The following PRR3 variants were observed in gnomAD, a reference collection of about 807,000 sequenced individuals.
PRR3 encodes the protein proline rich 3.
In PRR3, 16 loss-of-function variants were observed where a neutral mutation model predicts 22.4. The ratio of observed to expected loss-of-function variants is 0.71; its 90% CI spans 0.48 to 1.09. The LOEUF is 1.09. Among genes scored for constraint, PRR3 ranks in the 50% least tolerant of loss-of-function variants. The pLI is 0.00. For missense variants in PRR3, 224 were observed against 243.4 expected (o/e 0.92, Z 0.53); for synonymous variants, 87 against 88.6 (o/e 0.98, Z 0.10).
intron 1 of PRR3, 137 bp downstream of exon 1, chr6:30,557,587 C>T: frequency 7.8e-6 from 5 of 638,586 alleles, no homozygotes; most frequent in Admixed American, 5.6e-5. Context: ...GGAAGTGGGG[C>T]TCTCCCAAAT....
chr6:30,558,471 A>G (rs1800406781), intron 2 of PRR3: 2 of 499,042 alleles, frequency 4.0e-6, no homozygotes, highest in Non-Finnish European at 7.2e-6. Context: ...TTATAGGGAA[A>G]TGCAAAATAT....
At position 30,562,324 on chromosome 6, in the gene PRR3, G is replaced by A. The variant is rs1044957201; in HGVS notation, c.461-65G>A. Reference sequence around the variant, plus strand: ...AAATCAGTTCTCCTTCTGTCTCTGCGTTTCATTGTATTTGTTTTCTTTGTT... The same window carrying A: ...AAATCAGTTCTCCTTCTGTCTCTGCATTTCATTGTATTTGTTTTCTTTGTT... On this transcript the variant is annotated intron_variant, in intron 3 of 3. Coordinates refer to ENST00000376560, the MANE Select transcript of PRR3 (RefSeq NM_025263.4). The A allele has an allele frequency of 1.5e-5, 20 of 1,312,412 alleles. 2 individuals carry two copies. Among genetic ancestry groups the A allele is most frequent in the South Asian group, 1.1e-4 (9 of 82,248 alleles). The allele number at this position is 1,312,412 out of a possible 1,614,324, so 81.3% of individuals were successfully genotyped here.
Position 30,563,647 on chromosome 6 carries a change from G to T in PRR3, c.*1152G>T, listed in dbSNP as rs1800792783. 1 of 150,532 alleles carries T rather than the reference G, an allele frequency of 6.6e-6. No individual in the cohort carries two copies. Among genetic ancestry groups the T allele is most frequent in the South Asian group, 2.1e-4 (1 of 4,724 alleles). 9.3% of individuals were successfully genotyped at this position (150,532 alleles called of 1,614,324 possible). A position where few individuals can be genotyped will look rare whatever the true frequency, so the allele number is the denominator to read the frequency against. On this transcript the variant is annotated 3_prime_UTR_variant, in exon 4 of 4. Transcript: ENST00000376560. ...TGAGAGCTGTTGGAGAACTGAGAAT[G>T]AGGTTTTTTTTTTTTTTTTCTTTTT...
Position 30,561,186 on chromosome 6 carries a change from G to C in PRR3, c.170-648G>C, listed in dbSNP as rs1800603343. ...TTGGTATAACCACTGTGAAAAAAAA[G>C]TTTGGCATTATGTATGAAACTTGAG... On this transcript the variant is annotated intron_variant, in intron 2 of 3. Transcript: ENST00000376560. The surrounding 1 kb of genome is among the most constrained non-coding windows in gnomAD (Gnocchi z 4.0). 3.1e-6 allele frequency: 1 copy of C among 322,086 alleles called. No individual in the cohort carries two copies. Among genetic ancestry groups the C allele is most frequent in the South Asian group, 2.4e-5 (1 of 41,170 alleles). The allele number at this position is 322,086 out of a possible 1,614,324, so 20.0% of individuals were successfully genotyped here. A position where few individuals can be genotyped will look rare whatever the true frequency, so the allele number is the denominator to read the frequency against.
At chr6:30,557,108 T>C (rs558359061), upstream of PRR3, 73 of 702,478 alleles carry the variant, frequency 1.0e-4, no homozygotes, top group African/African-American at 5.8e-4. Flanking sequence ...TTTCAAAGCA[T>C]TTATAGAAAC....
intron 2 of PRR3, chr6:30,560,961 C>T (rs1800592044): frequency 5.8e-6 from 1 of 171,650 alleles, no homozygotes; most frequent in African/African-American, 2.4e-5. Context: ...TTTAGGAGAC[C>T]AAGGTGGGAG....
At position 30,558,184 on chromosome 6, in the gene PRR3, C is replaced by CA. The variant is rs1252418930; in HGVS notation, c.143dup (p.Asn48LysfsTer8). On this transcript the variant is annotated frameshift_variant, in exon 2 of 4. Coordinates refer to ENST00000376560, the MANE Select transcript of PRR3 (RefSeq NM_025263.4). LOFTEE classifies it high-confidence loss of function. ...GCCTTCTGGGCCCTCCCCCCATGGCCAATGGAAAACCTGGCGACCCTAAGT... is the reference window on the plus strand; with the variant it reads ...GCCTTCTGGGCCCTCCCCCCATGGCCAAATGGAAAACCTGGCGACCCTAAGT... The CA allele has an allele frequency of 6.2e-7, 1 of 1,613,034 alleles. No homozygotes were observed. Among genetic ancestry groups the CA allele is most frequent in the African/African-American group, 1.3e-5 (1 of 75,044 alleles).
chr6:30,561,541 G>A lies in PRR3; in HGVS notation c.170-293G>A, dbSNP rs1800629207. 1 of 600,706 alleles carries A rather than the reference G, an allele frequency of 1.7e-6. No individual in the cohort carries two copies. The highest frequency in any genetic ancestry group is 1.8e-5 in the African/African-American group (1 of 54,482). 37.2% of individuals were successfully genotyped at this position (600,706 alleles called of 1,614,324 possible). ...TCCATTTTTGTGAAGTTCAAAAACA[G>A]GCAAAAACTAACCTATGGTGTCAGG... is the stretch of plus-strand genomic sequence containing the variant. On this transcript the variant is annotated intron_variant, in intron 2 of 3. Coordinates refer to ENST00000376560, the MANE Select transcript of PRR3 (RefSeq NM_025263.4). The surrounding 1 kb of genome is among the most constrained non-coding windows in gnomAD (Gnocchi z 4.0).
chr6:30,558,279 C>T, intron 2 of PRR3, 67 bp downstream of exon 2: 1 of 1,298,998 alleles, frequency 7.7e-7, no homozygotes, highest in South Asian at 1.2e-5. Flanking sequence ...GGGGATAAAA[C>T]CCAGGAAGGA....
chr6:30,558,088 A>G (rs1040251707), intron 1 of PRR3, 62 bp from the exon 2 acceptor site: 1 of 1,387,714 alleles, frequency 7.2e-7, no homozygotes, highest in Non-Finnish European at 1.0e-6. Flanking sequence ...AAAAACACCT[A>G]AGAACAGAAT....
rs1800315315 is a variant in PRR3 at position 30,557,366 on chromosome 6, A to G, written c.22A>G (p.Asn8Asp). MPKRKKQ[N>D]HHQPPTQQQP... ...CACGATGCCGAAACGAAAGAAGCAG[A>G]ATCATCACCAGCCACCGACACAGCA... The change falls in exon 1 of 4, where the codon AAT becomes GAT. Residue 8 changes from asparagine (N) to aspartate (D), a missense_variant. Asn to Asp is a conservative substitution (Grantham distance 23, BLOSUM62 1). Coordinates refer to ENST00000376560, the MANE Select transcript of PRR3 (RefSeq NM_025263.4). The G allele has an allele frequency of 1.2e-6, 2 of 1,612,566 alleles. No homozygotes were observed. Among genetic ancestry groups the G allele is most frequent in the Admixed American group, 3.3e-5 (2 of 59,954 alleles).
rs62408661 is a variant in PRR3 at position 30,561,233 on chromosome 6, C to T, written c.170-601C>T. ...TGAGCATAACATATACTTTATAAGC[C>T]AGTAATACCTCTACTACGTATATAT... On this transcript the variant is annotated intron_variant, in intron 2 of 3. Transcript: ENST00000376560. This position sits in a 1 kb window ranked among gnomAD's most constrained non-coding sequence, Gnocchi z 4.0. The T allele has an allele frequency of 2.6e-6, 1 of 378,988 alleles. No individual in the cohort carries two copies. Among genetic ancestry groups the T allele is most frequent in the Non-Finnish European group, 5.2e-6 (1 of 193,500 alleles). The allele number at this position is 378,988 out of a possible 1,614,324, so 23.5% of individuals were successfully genotyped here.
Position 30,561,792 on chromosome 6 carries a change from C to T in PRR3, c.170-42C>T. The T allele has an allele frequency of 1.4e-6, 2 of 1,479,364 alleles. No homozygotes were observed. Among genetic ancestry groups the T allele is most frequent in the Non-Finnish European group, 1.8e-6 (2 of 1,113,126 alleles). The allele number at this position is 1,479,364 out of a possible 1,614,324, so 91.6% of individuals were successfully genotyped here. ...CACGGTTTATCAGGATTCAGCTGCC[C>T]ATTAGACACCTTTCTGTGTCTCTCT... is the stretch of plus-strand genomic sequence containing the variant. On this transcript the variant is annotated intron_variant, in intron 2 of 3. Transcript: ENST00000376560. This position sits in a 1 kb window ranked among gnomAD's most constrained non-coding sequence, Gnocchi z 4.0.
Position 30,561,870 on chromosome 6 carries a change from T to G in PRR3, c.206T>G (p.Leu69Arg), listed in dbSNP as rs548553716. ...GGTCCTCCAGGATCAAGGGGACCAC[T>G]GATTCCACCACTGCTGAGTCTCCCA... ...HRGPPGSRGP[L>R]IPPLLSLPPP... is the part of the protein sequence containing the mutation. Residue 69 changes from leucine (L) to arginine (R), a missense_variant, in exon 3 of 4, where the codon CTG becomes CGG. Physicochemically the swap from Leu to Arg is moderately radical, Grantham distance 102. Transcript: ENST00000376560. This position sits in a 1 kb window ranked among gnomAD's most constrained non-coding sequence, Gnocchi z 4.0. 6.3e-7 allele frequency: 1 copy of G among 1,587,360 alleles called. No individual in the cohort carries two copies. The highest frequency in any genetic ancestry group is 8.6e-7 in the Non-Finnish European group (1 of 1,167,270).
At position 30,558,223 on chromosome 6, in the gene PRR3, AG is replaced by A. The variant is rs1339860495; in HGVS notation, c.169+15del. On this transcript the variant is annotated intron_variant, in intron 2 of 3. Coordinates refer to ENST00000376560, the MANE Select transcript of PRR3 (RefSeq NM_025263.4). Reference sequence around the variant, plus strand: ...GCGACCCTAAGTCAGGTGAGGAGGAAGGGGCCCTGATCCTTGTATTAGGTCG... The same window carrying A: ...GCGACCCTAAGTCAGGTGAGGAGGAAGGGCCCTGATCCTTGTATTAGGTCG... 6.2e-7 allele frequency: 1 copy of A among 1,611,188 alleles called. No individual in the cohort carries two copies. The highest frequency in any genetic ancestry group is 8.5e-7 in the Non-Finnish European group (1 of 1,178,444).
At chr6:30,556,997 T>G, upstream of PRR3, 1 of 667,124 alleles carries the variant, frequency 1.5e-6, no homozygotes, top group South Asian at 1.6e-5. This position sits in a 1 kb window ranked among gnomAD's most constrained non-coding sequence, Gnocchi z 5.7. Context: ...GGTGCGACAG[T>G]CCTCTTCTCA....
chr6:30,562,347 G>T, intron 3 of PRR3, 42 bp from the exon 4 acceptor site: 1 of 1,468,236 alleles, frequency 6.8e-7, no homozygotes, highest in Non-Finnish European at 9.5e-7. Context: ...TGTTTTCTTT[G>T]TTGCTCAAAT....
In PRR3 at chr6:30,557,467, G is replaced by A; in HGVS notation, c.106+17G>A. The A allele has an allele frequency of 6.4e-7, 1 of 1,571,126 alleles. No homozygotes were observed. Among genetic ancestry groups the A allele is most frequent in the Non-Finnish European group, 8.7e-7 (1 of 1,146,354 alleles). On this transcript the variant is annotated intron_variant, in intron 1 of 3. Coordinates refer to ENST00000376560, the MANE Select transcript of PRR3 (RefSeq NM_025263.4). ...GTCCCATCGGTGAGGGGTCTGGGAG[G>A]GATGTGCACATGCCTGTCAAGCCCG...
At chr6:30,557,211 G>A (rs1044464617), upstream of PRR3, 38 of 765,534 alleles carry the variant, frequency 5.0e-5, no homozygotes, top group Non-Finnish European at 8.6e-5. Context: ...GATGTTCTCC[G>A]CAACCTTCCG....
Sources: gnomAD v4.1 joint callset for allele counts on GRCh38, gnomAD v4.1.1 for gene constraint, Gnocchi (gnomAD v3.1) non-coding constraint, MANE v1.5 for transcripts, NCBI Gene and HGNC (gene_info 2026-07-23, HGNC 2026-07-21) for gene names.